XYLT1: variants seen among roughly 807,000 people sequenced by gnomAD.
XYLT1 encodes the protein beta-D-xylosyltransferase 1.
Under a neutral mutation model 91.3 loss-of-function variants are expected in XYLT1, and 36 were observed. That is an observed-to-expected ratio of 0.39 (90% CI 0.30 to 0.52). The LOEUF is 0.52. Ranked by LOEUF, XYLT1 falls within the 20% of genes least tolerant of loss-of-function variation. The pLI is 0.68. For missense variants in XYLT1, 1,242 were observed against 1,284.5 expected (o/e 0.97, Z 0.51); for synonymous variants, 588 against 532.0 (o/e 1.11, Z -1.45).
intron 5 of XYLT1, among the ~76,000 whole-genome samples, chr16:17,177,533 T>C (rs1444197633): frequency 6.6e-6 from 1 of 152,200 alleles, no homozygotes; most frequent in Non-Finnish European, 1.5e-5. Flanking sequence ...CTGGCAAATG[T>C]CTGGCACACA....
intron 1 of XYLT1, among the ~76,000 whole-genome samples, chr16:17,404,952 C>T (rs4485342): frequency 0.049 from 7,389 of 152,260 alleles, 255 homozygotes; most frequent in Non-Finnish European, 0.069. Context: ...GTGCCCTCCA[C>T]ACAGAATACA....
chr16:17,149,126 C>T (rs1311156900), intron 6 of XYLT1, among the ~76,000 whole-genome samples: 1 of 152,148 alleles, frequency 6.6e-6, no homozygotes, highest in African/African-American at 2.4e-5. Context: ...CCTGATTCTC[C>T]CCCATGGGAG....
At chr16:17,305,104 T>C (rs144081221) in intron 2 of XYLT1, among the ~76,000 whole-genome samples, 2,030 of 152,226 alleles carry the variant, frequency 0.013, 68 homozygotes, top group Admixed American at 0.078. Flanking sequence ...ATCATCTCCC[T>C]ATTGTACAAA....
Position 17,141,514 on chromosome 16 carries a change from G to C in XYLT1, c.1371-145C>G, listed in dbSNP as rs750110148. The C allele has an allele frequency of 1.5e-5, 12 of 777,472 alleles. No homozygotes were observed. In the African/African-American group the frequency reaches 1.9e-4, roughly 12 times the overall value. The allele number at this position is 777,472 out of a possible 1,614,324, so 48.2% of individuals were successfully genotyped here. On this transcript the variant is annotated intron_variant, in intron 6 of 11. Transcript: ENST00000261381. ...GCCAGGTACTGCTCCAGGGCTCTGCGTGGAGTTTATCACTTGATCCCCACA... is the reference window on the plus strand; with the variant it reads ...GCCAGGTACTGCTCCAGGGCTCTGCCTGGAGTTTATCACTTGATCCCCACA...
rs10606202 is a variant in XYLT1, at chr16:17,321,342, C to CTTTTTTTTTTTT, written c.402+36658_402+36669dup. Among the ~76,000 whole-genome samples the CTTTTTTTTTTTT allele has an allele frequency of 3.9e-4, 17 of 43,626 alleles. 3 individuals are homozygous for CTTTTTTTTTTTT. The highest frequency in any genetic ancestry group is 1.1e-3 in the African/African-American group (13 of 12,126). The allele number at this position is 43,626 out of a possible 152,430, so 28.6% of individuals were successfully genotyped here. On this transcript the variant is annotated intron_variant, in intron 2 of 11. Coordinates refer to ENST00000261381, the MANE Select transcript of XYLT1 (RefSeq NM_022166.4). ...GACAGTTCCCAAAGTACTAACTAGC[C>CTTTTTTTTTTTT]TTTTTTTTTTTTTTTTTTTTTTTTT...
chr16:17,217,070 A>G (rs917479916), intron 3 of XYLT1, among the ~76,000 whole-genome samples: 38 of 152,236 alleles, frequency 2.5e-4, no homozygotes, highest in Non-Finnish European at 4.6e-4. Flanking sequence ...AGAAACACAC[A>G]TGCAACAGGG....
At chr16:17,320,696 G>A (rs564500214) in intron 2 of XYLT1, among the ~76,000 whole-genome samples, 17 of 151,354 alleles carry the variant, frequency 1.1e-4, no homozygotes, top group African/African-American at 4.1e-4. Context: ...TGGCCAGGAT[G>A]GTCTTGAACT....
chr16:17,245,185 C>G (rs2033417104), intron 3 of XYLT1, among the ~76,000 whole-genome samples: 1 of 152,192 alleles, frequency 6.6e-6, no homozygotes, highest in South Asian at 2.1e-4. Context: ...ATGTATACAG[C>G]CTTGACTTGA....
chr16:17,308,344 C>G (rs894347189), intron 2 of XYLT1, among the ~76,000 whole-genome samples: 4 of 152,132 alleles, frequency 2.6e-5, no homozygotes, highest in Non-Finnish European at 5.9e-5. Context: ...GTTGACTAAG[C>G]CTGCTTTAAA....
intron 2 of XYLT1, among the ~76,000 whole-genome samples, chr16:17,318,307 C>T (rs1011381844): frequency 6.6e-6 from 1 of 152,230 alleles, no homozygotes; most frequent in African/African-American, 2.4e-5. Flanking sequence ...TCACAGGACA[C>T]TCTGCTGAAT....
intron 2 of XYLT1, among the ~76,000 whole-genome samples, chr16:17,279,589 C>T (rs1281330059): frequency 6.6e-6 from 1 of 152,086 alleles, no homozygotes; most frequent in Non-Finnish European, 1.5e-5. Context: ...TTATCGAGGG[C>T]GTCTTCAACA....
rs561732751 is a variant in XYLT1, at chr16:17,445,724, C to T, written c.363+24710G>A. 5.3e-5 allele frequency: 8 copies of T among 152,298 alleles called. No individual in the cohort carries two copies. The East Asian group carries it at 7.7e-4, about 15-fold the overall frequency. The allele number at this position is 152,298 out of a possible 1,614,324, so 9.4% of individuals were successfully genotyped here. ...TCTATTGTCTGAATCCCGTCACCAG[C>T]GGAGAAACAGCTGTTTATAGTTTGT... On this transcript the variant is annotated intron_variant, in intron 1 of 11. Coordinates refer to ENST00000261381, the MANE Select transcript of XYLT1 (RefSeq NM_022166.4).
intron 1 of XYLT1, among the ~76,000 whole-genome samples, chr16:17,368,390 G>A (rs1482967995): frequency 2.6e-5 from 4 of 152,060 alleles, no homozygotes; most frequent in Non-Finnish European, 4.4e-5. Flanking sequence ...TTAATGAAAC[G>A]ATAGTGACAA....
intron 2 of XYLT1, among the ~76,000 whole-genome samples, chr16:17,300,242 T>C (rs1226608492): frequency 6.6e-6 from 1 of 152,192 alleles, no homozygotes; most frequent in East Asian, 1.9e-4. Context: ...TTAAGAAGTG[T>C]GCACAGACTT....
At chr16:17,364,647 C>A (rs2035426082) in intron 1 of XYLT1, among the ~76,000 whole-genome samples, 1 of 152,164 alleles carries the variant, frequency 6.6e-6, no homozygotes, top group African/African-American at 2.4e-5. Context: ...TGAATGCTTA[C>A]TTTATGCCAA....
intron 2 of XYLT1, among the ~76,000 whole-genome samples, chr16:17,276,901 G>A (rs1052236911): frequency 1.3e-5 from 2 of 152,156 alleles, no homozygotes; most frequent in Non-Finnish European, 2.9e-5. Flanking sequence ...AAAAAGATAC[G>A]CTGACTTAAC....
At chr16:17,271,580 G>A (rs1232310173) in intron 2 of XYLT1, among the ~76,000 whole-genome samples, 1 of 152,142 alleles carries the variant, frequency 6.6e-6, no homozygotes, top group African/African-American at 2.4e-5. Flanking sequence ...GTTGACATTT[G>A]GGGCTGGATA....
intron 1 of XYLT1, among the ~76,000 whole-genome samples, chr16:17,447,037 C>A (rs2036601235): frequency 7.4e-6 from 1 of 134,340 alleles, no homozygotes; most frequent in African/African-American, 2.7e-5. Flanking sequence ...CCTCCACATT[C>A]GAATCTCCGA....
intron 3 of XYLT1, among the ~76,000 whole-genome samples, chr16:17,217,714 C>T (rs1046938866): frequency 3.3e-5 from 5 of 152,150 alleles, no homozygotes; most frequent in African/African-American, 7.2e-5. Context: ...AACAGATCAA[C>T]GTATTTTACA....
Sources: allele counts gnomAD v4.1 joint callset (sites outside exome capture counted in the v4.1 genomes callset), GRCh38; gene constraint gnomAD v4.1.1; transcripts MANE v1.5; gene names NCBI Gene and HGNC (gene_info 2026-07-23, HGNC 2026-07-21).